Variants in EYS observed in about 807,000 individuals in gnomAD.
The protein encoded by EYS is protein eyes shut homolog.
EYS carries 250 observed loss-of-function variants against 282.1 expected under a neutral mutation model. The observed-to-expected ratio is 0.89, with a 90% CI of 0.80 to 0.98. The LOEUF is 0.98. Ranked by LOEUF, EYS falls within the 50% of genes least tolerant of loss-of-function variation. The probability of loss-of-function intolerance (pLI) is 0.00; values close to 1 mark genes in which losing one functional copy is unlikely to be tolerated. For missense variants in EYS, 4,016 were observed against 3,709.0 expected (o/e 1.08, Z -2.15); for synonymous variants, 1,355 against 1,282.9 (o/e 1.06, Z -1.20).
chr6:63,993,934 G>A (rs1404853273), intron 34 of EYS, among the ~76,000 whole-genome samples: 1 of 151,840 alleles, frequency 6.6e-6, no homozygotes, highest in Non-Finnish European at 1.5e-5. Flanking sequence ...GTATGGTGCT[G>A]GCATAAAGAA....
At chr6:64,795,087 T>C (rs573330437) in intron 22 of EYS, among the ~76,000 whole-genome samples, 2 of 152,066 alleles carry the variant, frequency 1.3e-5, no homozygotes, top group African/African-American at 2.4e-5. Context: ...ATTCAAAAAT[T>C]AGCTGGGCAT....
intron 1 of EYS, among the ~76,000 whole-genome samples, chr6:65,665,054 T>G (rs1392192409): frequency 6.6e-6 from 1 of 152,138 alleles, no homozygotes; most frequent in East Asian, 1.9e-4. Flanking sequence ...AGTGGTATGA[T>G]CTTAGACATC....
intron 1 of EYS, among the ~76,000 whole-genome samples, chr6:65,703,494 CTAA>C (rs1265571286): frequency 2.0e-5 from 3 of 151,568 alleles, no homozygotes; most frequent in Non-Finnish European, 2.9e-5. Context: ...TAGATTTTTG[CTAA>C]TATTACATTT....
At chr6:65,062,254 T>C (rs1773599013) in intron 12 of EYS, among the ~76,000 whole-genome samples, 1 of 151,960 alleles carries the variant, frequency 6.6e-6, no homozygotes, top group African/African-American at 2.4e-5. Context: ...TAAGCAGCTC[T>C]ACCTTCCTTA....
intron 35 of EYS, among the ~76,000 whole-genome samples, chr6:63,937,714 A>G (rs1765115595): frequency 6.6e-6 from 1 of 152,038 alleles, no homozygotes; most frequent in Non-Finnish European, 1.5e-5. Context: ...ACATAGTACA[A>G]TTCCCAGACT....
At chr6:64,170,635 T>G (rs1442141830) in intron 31 of EYS, among the ~76,000 whole-genome samples, 1 of 150,524 alleles carries the variant, frequency 6.6e-6, no homozygotes, top group Non-Finnish European at 1.5e-5. Context: ...GTAATTGAAT[T>G]TAAGAGGCAT....
intron 31 of EYS, among the ~76,000 whole-genome samples, chr6:64,154,126 G>C (rs867250413): frequency 1.1e-3 from 168 of 152,202 alleles, no homozygotes; most frequent in African/African-American, 3.9e-3. Context: ...ATAGTGATGG[G>C]TACCTCCAGG....
intron 1 of EYS, among the ~76,000 whole-genome samples, chr6:65,705,836 C>A (rs974350005): frequency 6.6e-6 from 1 of 151,958 alleles, no homozygotes; most frequent in African/African-American, 2.4e-5. Flanking sequence ...AAGTTAAAAA[C>A]TGAGAATTAT....
chr6:64,530,722 A>C (rs1249302149), intron 26 of EYS, among the ~76,000 whole-genome samples: 2 of 152,130 alleles, frequency 1.3e-5, no homozygotes, highest in African/African-American at 4.8e-5. Flanking sequence ...TAAGCTTCTA[A>C]TAATCTTGAA....
chr6:64,795,923 C>T (rs996289781), intron 22 of EYS, among the ~76,000 whole-genome samples: 1 of 152,112 alleles, frequency 6.6e-6, no homozygotes, highest in Non-Finnish European at 1.5e-5. Flanking sequence ...TAGCAATCTA[C>T]AGAAATGGAG....
chr6:65,094,823 A>C (rs936399478), intron 12 of EYS, among the ~76,000 whole-genome samples: 2 of 151,342 alleles, frequency 1.3e-5, no homozygotes, highest in Non-Finnish European at 3.0e-5. Context: ...TGGAAAAGGA[A>C]TAACAAATTA....
intron 36 of EYS, among the ~76,000 whole-genome samples, chr6:63,831,594 G>A (rs899236677): frequency 1.3e-5 from 2 of 152,158 alleles, no homozygotes; most frequent in South Asian, 2.1e-4. Flanking sequence ...ACAAAGAGAC[G>A]TAGACTCCCA....
At position 65,317,817 on chromosome 6, in the gene EYS, CCTTCCTTCCTTTCTTTCTTT is replaced by C. The variant is rs1769339501; in HGVS notation, c.1766+17143_1766+17162del. 9.9e-5 allele frequency among the ~76,000 whole-genome samples: 5 copies of C among 50,524 alleles called. No individual in the cohort carries two copies. In the South Asian group the frequency reaches 1.9e-3, roughly 20 times the overall value. The allele number at this position is 50,524 out of a possible 152,430, so 33.1% of individuals were successfully genotyped here. On this transcript the variant is annotated intron_variant, in intron 11 of 42. Transcript: ENST00000503581. Reference sequence around the variant, plus strand: ...TCCTTCCTTCCTTCCTTCCTTCCTTCCTTCCTTCCTTTCTTTCTTTCTTTCTTTCTTTCTTTCTTTCTTTC... The same window carrying C: ...TCCTTCCTTCCTTCCTTCCTTCCTTCCTTTCTTTCTTTCTTTCTTTCTTTC...
At position 65,495,053 on chromosome 6, in the gene EYS, T is replaced by C. The variant is rs1766197862; in HGVS notation, c.358A>G (p.Thr120Ala). The change falls in exon 4 of 43, where the codon ACG becomes GCG. Residue 120 changes from threonine (T) to alanine (A), a missense_variant. Physicochemically the swap from Thr to Ala is moderately conservative, Grantham distance 58. Transcript: ENST00000503581. ...SFVGCVQNTT[T>A]EDQLLFGCRL... ...CAGCCAAAAAGTAACTGATCTTCCG[T>C]TGTGGTATTTTGCACACAGCCAACG... 2 of 1,614,108 alleles carry C rather than the reference T, an allele frequency of 1.2e-6. No individual in the cohort carries two copies. Among genetic ancestry groups the C allele is most frequent in the African/African-American group, 1.3e-5 (1 of 74,940 alleles).
At chr6:64,998,906 A>T (rs1364326181) in intron 13 of EYS, among the ~76,000 whole-genome samples, 2 of 152,236 alleles carry the variant, frequency 1.3e-5, no homozygotes, top group African/African-American at 4.8e-5. Flanking sequence ...ATACTGATGC[A>T]TACTGACAAG....
At chr6:63,996,053 A>G (rs1391932723) in intron 34 of EYS, among the ~76,000 whole-genome samples, 3 of 152,050 alleles carry the variant, frequency 2.0e-5, no homozygotes, top group Non-Finnish European at 4.4e-5. Context: ...ACTACATTGT[A>G]CCTGATAAAT....
intron 26 of EYS, among the ~76,000 whole-genome samples, chr6:64,535,032 C>A (rs1010416078): frequency 2.0e-5 from 3 of 152,240 alleles, no homozygotes; most frequent in Middle Eastern, 3.4e-3. Flanking sequence ...TGTCCTTGTT[C>A]ATTGTCTTAG....
chr6:64,235,284 CTG>C, intron 30 of EYS, among the ~76,000 whole-genome samples: 1 of 149,740 alleles, frequency 6.7e-6, no homozygotes, highest in Middle Eastern at 3.4e-3. Context: ...GTTCCCCTGC[CTG>C]TGTCCATGTG....
At chr6:64,651,807 T>C (rs1768572178) in intron 22 of EYS, among the ~76,000 whole-genome samples, 1 of 152,208 alleles carries the variant, frequency 6.6e-6, no homozygotes, top group African/African-American at 2.4e-5. Context: ...AAGAAAGACA[T>C]ATTAGTGAAC....
Sources: allele counts gnomAD v4.1 joint callset (sites outside exome capture counted in the v4.1 genomes callset), GRCh38; gene constraint gnomAD v4.1.1; transcripts MANE v1.5; gene names NCBI Gene and HGNC (gene_info 2026-07-23, HGNC 2026-07-21).